The following B3GLCT variants were observed in gnomAD, a reference collection of about 807,000 sequenced individuals.
B3GLCT encodes the protein beta-1,3-glucosyltransferase.
A neutral mutation model predicts 63.4 loss-of-function variants in B3GLCT; 65 were observed. The observed-to-expected ratio is 1.03, with a 90% CI of 0.84 to 1.26. B3GLCT has a LOEUF of 1.26. B3GLCT is among the 50% of genes most tolerant of loss of function. The pLI, the probability that B3GLCT is intolerant of heterozygous loss-of-function variation, is 0.00. For synonymous variants in B3GLCT, 233 were observed against 219.2 expected, an observed-to-expected ratio of 1.06 and a Z score of -0.55; for missense variants, 577 against 604.8, an observed-to-expected ratio of 0.95 and a Z score of 0.48.
At chr13:31,259,149 C>G (rs1871890830) in intron 6 of B3GLCT, among the ~76,000 whole-genome samples, 1 of 152,104 alleles carries the variant, frequency 6.6e-6, no homozygotes, top group Admixed American at 6.6e-5. Context: ...TTTAAAAAAT[C>G]TTTTTATCCT....
At chr13:31,301,906 AT>A (rs1441482973) in intron 12 of B3GLCT, among the ~76,000 whole-genome samples, 2 of 152,040 alleles carry the variant, frequency 1.3e-5, no homozygotes, top group Non-Finnish European at 2.9e-5. Context: ...TATTCATTCC[AT>A]TTTTTAATAA....
intron 1 of B3GLCT, among the ~76,000 whole-genome samples, chr13:31,211,414 C>T (rs1869253151): frequency 6.6e-6 from 1 of 152,000 alleles, no homozygotes; most frequent in Non-Finnish European, 1.5e-5. Flanking sequence ...CAAAAAACAA[C>T]TGGAATTTTT....
At chr13:31,310,241 C>T (rs900245065) in intron 12 of B3GLCT, among the ~76,000 whole-genome samples, 2 of 152,184 alleles carry the variant, frequency 1.3e-5, no homozygotes, top group African/African-American at 4.8e-5. Flanking sequence ...AGTTAGGGCA[C>T]CCTCTCATAC....
In B3GLCT at chr13:31,301,564, C is replaced by T. The variant is rs61954800; in HGVS notation, c.1064+14745C>T. Reference sequence around the variant, plus strand: ...CTAACAACCGTTACACTTTTATGTTCTAGTCCCAGGAATTTCCCCTTTTCA... The same window carrying T: ...CTAACAACCGTTACACTTTTATGTTTTAGTCCCAGGAATTTCCCCTTTTCA... On this transcript the variant is annotated intron_variant, in intron 12 of 14. Transcript: ENST00000343307. 2.1e-3 allele frequency among the ~76,000 whole-genome samples: 314 copies of T among 152,298 alleles called. 2 individuals carry two copies. Among genetic ancestry groups the T allele is most frequent in the Non-Finnish European group, 3.5e-3 (238 of 68,020 alleles).
chr13:31,315,381 TTGC>T (rs1874945114), intron 12 of B3GLCT, among the ~76,000 whole-genome samples: 1 of 152,188 alleles, frequency 6.6e-6, no homozygotes, highest in African/African-American at 2.4e-5. Flanking sequence ...AAGGTCACTC[TTGC>T]TGCGTTTTAG....
At chr13:31,328,641 T>C (rs1250043571) in intron 14 of B3GLCT, among the ~76,000 whole-genome samples, 2 of 125,238 alleles carry the variant, frequency 1.6e-5, no homozygotes, top group Admixed American at 2.3e-4. Flanking sequence ...TGCAGTAAGC[T>C]GAGATTGCCC....
intron 6 of B3GLCT, 143 bp downstream of exon 6, chr13:31,248,109 ATATGT>A (rs1871275168): frequency 6.5e-6 from 4 of 618,410 alleles, no homozygotes; most frequent in East Asian, 5.9e-5. Context: ...AATATCTGAG[ATATGT>A]TAAGTAATGC....
At chr13:31,253,595 C>CAAAAAAAAAAAAAAAA (rs35512327) in intron 6 of B3GLCT, among the ~76,000 whole-genome samples, 2 of 18,416 alleles carry the variant, frequency 1.1e-4, no homozygotes, top group African/African-American at 6.4e-4. Context: ...GACTCCATCT[C>CAAAAAAAAAAAAAAAA]AAAAAAAAAA....
chr13:31,277,006 G>T (rs1366127020), intron 10 of B3GLCT, among the ~76,000 whole-genome samples: 5 of 152,092 alleles, frequency 3.3e-5, no homozygotes, highest in African/African-American at 4.8e-5. Context: ...ACTGCTTATG[G>T]CAGTATTTTA....
intron 12 of B3GLCT, among the ~76,000 whole-genome samples, chr13:31,315,690 T>G (rs1350152488): frequency 6.6e-6 from 1 of 152,208 alleles, no homozygotes; most frequent in Non-Finnish European, 1.5e-5. Flanking sequence ...GAAATTTGTG[T>G]AAGTAACAAG....
intron 10 of B3GLCT, among the ~76,000 whole-genome samples, chr13:31,283,837 C>T (rs535450948): frequency 8.5e-5 from 13 of 152,244 alleles, no homozygotes; most frequent in Admixed American, 7.8e-4. Flanking sequence ...AGAGTTTTGA[C>T]AGGATATAAA....
intron 4 of B3GLCT, among the ~76,000 whole-genome samples, chr13:31,243,098 C>T (rs1871032643): frequency 6.6e-6 from 1 of 152,120 alleles, no homozygotes; most frequent in Admixed American, 6.5e-5. Flanking sequence ...ATTTGTTGTT[C>T]TAAAAGCTCA....
At chr13:31,290,022 C>G (rs935828807) in intron 12 of B3GLCT, among the ~76,000 whole-genome samples, 8 of 152,092 alleles carry the variant, frequency 5.3e-5, no homozygotes, top group Non-Finnish European at 1.0e-4. Flanking sequence ...CCCTAGCCAC[C>G]CCACCTTCCA....
intron 12 of B3GLCT, among the ~76,000 whole-genome samples, chr13:31,308,477 C>G (rs1396542745): frequency 6.6e-6 from 1 of 151,238 alleles, no homozygotes; most frequent in Admixed American, 6.6e-5. Flanking sequence ...TCAGGGTAAA[C>G]AGATCTTACA....
chr13:31,254,493 G>T (rs1391952083), intron 6 of B3GLCT, among the ~76,000 whole-genome samples: 1 of 152,104 alleles, frequency 6.6e-6, no homozygotes, highest in Non-Finnish European at 1.5e-5. Context: ...CAATAAACTT[G>T]GCATTGATGG....
intron 10 of B3GLCT, among the ~76,000 whole-genome samples, chr13:31,281,866 G>A (rs1205345419): frequency 6.6e-6 from 1 of 152,188 alleles, no homozygotes; most frequent in Non-Finnish European, 1.5e-5. Context: ...TTTATAATCT[G>A]AGACAGTTTT....
At chr13:31,318,165 T>G (rs1875150598) in intron 13 of B3GLCT, among the ~76,000 whole-genome samples, 1 of 152,196 alleles carries the variant, frequency 6.6e-6, no homozygotes, top group Non-Finnish European at 1.5e-5. Flanking sequence ...AAATGAAGCA[T>G]CTGCCTAATC....
At chr13:31,295,358 C>T (rs935970439) in intron 12 of B3GLCT, among the ~76,000 whole-genome samples, 2 of 152,206 alleles carry the variant, frequency 1.3e-5, no homozygotes, top group Non-Finnish European at 2.9e-5. Flanking sequence ...GGGAGATCCA[C>T]TGCTCTCTTC....
chr13:31,294,735 CCT>C (rs1873847779), intron 12 of B3GLCT, among the ~76,000 whole-genome samples: 1 of 152,166 alleles, frequency 6.6e-6, no homozygotes, highest in Non-Finnish European at 1.5e-5. Context: ...TTCTTAGCTT[CCT>C]TGCATTGGAT....
Sources: allele counts gnomAD v4.1 joint callset (sites outside exome capture counted in the v4.1 genomes callset), GRCh38; gene constraint gnomAD v4.1.1; transcripts MANE v1.5; gene names NCBI Gene and HGNC (gene_info 2026-07-23, HGNC 2026-07-21).